The following DMD variants were observed in gnomAD, a reference collection of about 807,000 sequenced individuals.
DMD encodes the protein mutant dystrophin.
A neutral mutation model predicts 330.1 loss-of-function variants in DMD; 63 were observed. The ratio of observed to expected loss-of-function variants is 0.19; its 90% CI spans 0.16 to 0.24. The LOEUF is 0.24. Among genes scored for constraint, DMD ranks in the 10% least tolerant of loss-of-function variants. The pLI is 1.00. For missense variants in DMD, 3,344 were observed against 2,684.1 expected (o/e 1.25, Z -5.43); for synonymous variants, 1,223 against 959.8 (o/e 1.27, Z -5.07).
At chrX:31,557,321 C>G (rs191702540) in intron 55 of DMD, among the ~76,000 whole-genome samples, 39 of 111,181 alleles carry the variant, frequency 3.5e-4, no homozygotes, top group African/African-American at 1.3e-3. Context: ...GAATAAAGAC[C>G]CCAAACTTCT....
At chrX:32,992,842 G>T (rs7060820) in intron 2 of DMD, among the ~76,000 whole-genome samples, 1 of 101,505 alleles carries the variant, frequency 9.9e-6, no homozygotes, top group South Asian at 4.9e-4. Flanking sequence ...GGAGGCAGAG[G>T]TTGCAGTGAG....
chrX:32,622,622 G>A (rs1054745238), intron 11 of DMD, among the ~76,000 whole-genome samples: 3 of 111,351 alleles, frequency 2.7e-5, no homozygotes, highest in Admixed American at 9.6e-5. Context: ...ATTATACTTC[G>A]CATCCAATTA....
At chrX:32,505,260 G>A (rs1462788146) in intron 18 of DMD, among the ~76,000 whole-genome samples, 13 of 112,168 alleles carry the variant, frequency 1.2e-4, no homozygotes, top group Non-Finnish European at 5.6e-5. Context: ...AAATATTTAC[G>A]AAAGACATAT....
chrX:32,346,410 T>C (rs1474668943), intron 38 of DMD, among the ~76,000 whole-genome samples: 2 of 111,342 alleles, frequency 1.8e-5, no homozygotes, highest in Non-Finnish European at 3.8e-5. Flanking sequence ...TTCTAGAAAT[T>C]AAAACATTAG....
intron 7 of DMD, among the ~76,000 whole-genome samples, chrX:32,712,403 A>C (rs1246064903): frequency 8.9e-6 from 1 of 111,733 alleles, no homozygotes; most frequent in Non-Finnish European, 1.9e-5. Context: ...TATATATCTA[A>C]TTCTTAAATG....
intron 1 of DMD, among the ~76,000 whole-genome samples, chrX:33,127,488 C>A (rs1020597868): frequency 1.8e-5 from 2 of 110,685 alleles, no homozygotes; most frequent in Admixed American, 9.7e-5. Context: ...TACAATTGTC[C>A]CAGTTTGCTT....
intron 16 of DMD, among the ~76,000 whole-genome samples, chrX:32,565,239 C>G (rs569250876): frequency 9.0e-6 from 1 of 111,645 alleles, no homozygotes; most frequent in African/African-American, 3.3e-5. Context: ...ATTAACTACA[C>G]TAATAAAAAA....
chrX:31,535,903 T>G (rs1003217857), intron 55 of DMD, among the ~76,000 whole-genome samples: 3 of 111,999 alleles, frequency 2.7e-5, no homozygotes, highest in Non-Finnish European at 5.6e-5. Context: ...TGCAAAGCCC[T>G]TTGAAAGTTG....
chrX:32,820,083 AAG>A (rs1228453167), intron 5 of DMD, among the ~76,000 whole-genome samples: 2 of 111,743 alleles, frequency 1.8e-5, no homozygotes. Flanking sequence ...GTCTCAGACA[AAG>A]AAAGATTTAA....
intron 50 of DMD, among the ~76,000 whole-genome samples, chrX:31,811,780 A>G (rs763951076): frequency 9.0e-6 from 1 of 111,598 alleles, no homozygotes; most frequent in East Asian, 2.8e-4. Context: ...GGCCTCACGG[A>G]AATTTATTTG....
chrX:33,089,760 T>C (rs1189337448), intron 1 of DMD, among the ~76,000 whole-genome samples: 1 of 110,893 alleles, frequency 9.0e-6, no homozygotes, highest in Non-Finnish European at 1.9e-5. Flanking sequence ...CACGGTAAGA[T>C]ACAGAAGTAG....
intron 1 of DMD, among the ~76,000 whole-genome samples, chrX:33,023,879 T>A (rs2093955817): frequency 9.0e-6 from 1 of 111,677 alleles, no homozygotes; most frequent in African/African-American, 3.2e-5. Context: ...AAAATCCAAG[T>A]TAACGATCAA....
At chrX:33,294,455 G>C (rs1275312628) in intron 1 of DMD, among the ~76,000 whole-genome samples, 1 of 111,405 alleles carries the variant, frequency 9.0e-6, no homozygotes, top group Non-Finnish European at 1.9e-5. Flanking sequence ...CTTCAGGACT[G>C]CAGTGGCAGA....
intron 43 of DMD, among the ~76,000 whole-genome samples, chrX:32,248,438 C>A (rs2097250770): frequency 9.0e-6 from 1 of 110,582 alleles, no homozygotes; most frequent in South Asian, 3.7e-4. Flanking sequence ...GTTTACATAT[C>A]TTTTAATCTC....
At position 32,348,101 on chromosome X, in the gene DMD, GTTTAT is replaced by G. The variant is rs754669088; in HGVS notation, c.5448+300_5448+304del. Among the ~76,000 whole-genome samples the G allele has an allele frequency of 9.2e-3, 1,025 of 111,062 alleles. 12 individuals are homozygous for G. Among genetic ancestry groups the G allele is most frequent in the African/African-American group, 0.033 (998 of 30,662 alleles). ...AGTTGAGTATTTTATTAAATTTTTA[GTTTAT>G]TTTATGATTCGACTCTTTTTTCCAA... On this transcript the variant is annotated intron_variant, in intron 38 of 78. Transcript: ENST00000357033.
intron 48 of DMD, among the ~76,000 whole-genome samples, chrX:31,856,355 A>C (rs1297220659): frequency 8.9e-6 from 1 of 112,358 alleles, no homozygotes; most frequent in East Asian, 2.8e-4. Flanking sequence ...GGAGACCTAC[A>C]GAGAATGTTG....
chrX:31,741,017 G>A (rs1056835545), intron 51 of DMD, among the ~76,000 whole-genome samples: 1 of 111,883 alleles, frequency 8.9e-6, no homozygotes, highest in African/African-American at 3.2e-5. Context: ...TCATCACCAA[G>A]AGTAGAGTGC....
At chrX:32,239,801 C>A (rs2097201295) in intron 43 of DMD, among the ~76,000 whole-genome samples, 1 of 111,760 alleles carries the variant, frequency 8.9e-6, no homozygotes, top group Non-Finnish European at 1.9e-5. Flanking sequence ...ACTTAACCTG[C>A]TATACTATTA....
chrX:32,596,264 G>A (rs1471784823), intron 12 of DMD, among the ~76,000 whole-genome samples: 1 of 104,816 alleles, frequency 9.5e-6, no homozygotes, highest in African/African-American at 3.5e-5. Flanking sequence ...CAACAAACCG[G>A]TCCTCCTACT....
Sources: gnomAD v4.1 joint callset for allele counts (sites outside exome capture counted in the v4.1 genomes callset) on GRCh38, gnomAD v4.1.1 for gene constraint, MANE v1.5 for transcripts, NCBI Gene and HGNC (gene_info 2026-07-23, HGNC 2026-07-21) for gene names.